RFX8: variants seen among roughly 807,000 people sequenced by gnomAD.
RFX8 encodes the protein DNA-binding protein RFX8.
RFX8 carries 46 observed loss-of-function variants against 54.6 expected under a neutral mutation model. The ratio of observed to expected loss-of-function variants is 0.84; its 90% confidence interval spans 0.67 to 1.08. The LOEUF (loss-of-function observed/expected upper bound fraction) is 1.08, where lower values mean the gene tolerates loss of function less well. RFX8 is among the 50% of genes least tolerant of loss of function. The pLI is 0.00. For missense variants in RFX8, 536 were observed against 562.3 expected (o/e 0.95, Z 0.47); for synonymous variants, 192 against 209.5 (o/e 0.92, Z 0.72).
intron 11 of RFX8, among the ~76,000 whole-genome samples, chr2:101,399,677 A>G (rs1685317586): frequency 6.6e-6 from 1 of 152,202 alleles, no homozygotes; most frequent in South Asian, 2.1e-4. Flanking sequence ...TAGTCTAAGC[A>G]TTTTACAACA....
intron 2 of RFX8, among the ~76,000 whole-genome samples, chr2:101,454,092 C>T (rs1235184162): frequency 3.3e-5 from 5 of 151,452 alleles, no homozygotes; most frequent in Non-Finnish European, 7.4e-5. Context: ...GTTCCCCTCC[C>T]TGTGTTCATG....
At chr2:101,428,065 G>GC (rs1157698065) in intron 2 of RFX8, among the ~76,000 whole-genome samples, 4 of 151,636 alleles carry the variant, frequency 2.6e-5, no homozygotes, top group Non-Finnish European at 4.4e-5. Context: ...AGGCCAAGGG[G>GC]GGCAGATCTC....
At chr2:101,429,506 A>G (rs1050768247) in intron 2 of RFX8, among the ~76,000 whole-genome samples, 5 of 152,220 alleles carry the variant, frequency 3.3e-5, no homozygotes, top group Non-Finnish European at 7.3e-5. Flanking sequence ...AGAAATTTAT[A>G]CATAATGGAG....
chr2:101,400,706 C>T (rs183225257), intron 11 of RFX8, among the ~76,000 whole-genome samples: 1 of 152,338 alleles, frequency 6.6e-6, no homozygotes, highest in African/African-American at 2.4e-5. Context: ...ATGCTACACT[C>T]CGACCTCTTG....
chr2:101,419,791 A>G (rs1403371065), intron 4 of RFX8, among the ~76,000 whole-genome samples: 4 of 152,224 alleles, frequency 2.6e-5, no homozygotes, highest in Non-Finnish European at 5.9e-5. Context: ...TCCCGTTATC[A>G]GGGCATTCAT....
chr2:101,474,276 G>T, intron 1 of RFX8: 1 of 587,946 alleles, frequency 1.7e-6, no homozygotes, highest in South Asian at 1.9e-5. Flanking sequence ...CCTCGGCCAT[G>T]GCTCGGCCCC....
rs1436364900 is a variant in RFX8 at position 101,474,756 on chromosome 2, C to A, written c.-173G>T. The A allele has an allele frequency of 1.3e-5, 2 of 152,392 alleles. No homozygotes were observed. The highest frequency in any genetic ancestry group is 4.8e-5 in the African/African-American group (2 of 41,356). 9.4% of individuals were successfully genotyped at this position (152,392 alleles called of 1,614,324 possible). ...CCCGGCTGCCGCTCCCCATCCCAGC[C>A]CCGCCCCACCCCACCCCAAGAGGTT... On this transcript the variant is annotated 5_prime_UTR_variant, in exon 1 of 12. Transcript: ENST00000428343.
intron 6 of RFX8, among the ~76,000 whole-genome samples, chr2:101,415,807 C>A (rs1041638096): frequency 6.6e-6 from 1 of 152,130 alleles, no homozygotes. Flanking sequence ...TGCTCCCATG[C>A]GATGTGCGAG....
chr2:101,466,974 T>C (rs1267306804), intron 1 of RFX8, 74 bp from the exon 2 acceptor site: 1 of 697,874 alleles, frequency 1.4e-6, no homozygotes, highest in East Asian at 2.7e-5. Flanking sequence ...ACAAAATCAA[T>C]GGTCAAGATG....
intron 1 of RFX8, among the ~76,000 whole-genome samples, chr2:101,472,353 C>T (rs1383171557): frequency 2.6e-5 from 4 of 152,122 alleles, no homozygotes; most frequent in South Asian, 2.1e-4. Context: ...CCACCTGCCT[C>T]GGCCTCCCAA....
At chr2:101,462,570 A>G (rs1689341254) in intron 2 of RFX8, among the ~76,000 whole-genome samples, 1 of 152,212 alleles carries the variant, frequency 6.6e-6, no homozygotes, top group Admixed American at 6.5e-5. Flanking sequence ...AAAAGTTAGT[A>G]TTTCTTGGGT....
At chr2:101,397,856 A>G in intron 11 of RFX8, 132 bp from the exon 12 acceptor site, 1 of 695,858 alleles carries the variant, frequency 1.4e-6, no homozygotes, top group East Asian at 3.0e-5. Flanking sequence ...AAGTTCATGC[A>G]TTTATTCCTT....
At chr2:101,427,844 T>A (rs1687265530) in intron 2 of RFX8, among the ~76,000 whole-genome samples, 1 of 152,236 alleles carries the variant, frequency 6.6e-6, no homozygotes, top group Admixed American at 6.5e-5. Context: ...TGTTTGTTTT[T>A]AGCGGTTCTT....
chr2:101,474,308 G>A (rs549321225), intron 1 of RFX8: 189 of 469,896 alleles, frequency 4.0e-4, no homozygotes, highest in African/African-American at 3.6e-3. Flanking sequence ...ACCGAGGCAG[G>A]CAGCGAGCGG....
intron 1 of RFX8, among the ~76,000 whole-genome samples, chr2:101,469,178 GGA>G (rs149464200): frequency 1.4e-4 from 19 of 134,768 alleles, no homozygotes; most frequent in Admixed American, 1.5e-4. Flanking sequence ...ACATATACAT[GGA>G]GAGAGAGAGA....
At position 101,471,682 on chromosome 2, in the gene RFX8, T is replaced by A. The variant is rs113426242; in HGVS notation, c.-53+2954A>T. On this transcript the variant is annotated intron_variant, in intron 1 of 11. Transcript: ENST00000428343. ...TGCTCCCCAGAGCTTTAACCCCACCTCTCCCCGTTTCTGCAGTCTTTCCTG... is the reference window on the plus strand; with the variant it reads ...TGCTCCCCAGAGCTTTAACCCCACCACTCCCCGTTTCTGCAGTCTTTCCTG... 9.6e-3 allele frequency among the ~76,000 whole-genome samples: 1,461 copies of A among 152,176 alleles called. 27 individuals carry two copies. Among genetic ancestry groups the A allele is most frequent in the African/African-American group, 0.033 (1,390 of 41,526 alleles).
intron 1 of RFX8, among the ~76,000 whole-genome samples, chr2:101,467,481 G>A (rs1277603372): frequency 6.6e-6 from 1 of 152,200 alleles, no homozygotes; most frequent in Admixed American, 6.5e-5. Flanking sequence ...GAATTGCAAT[G>A]AGGTGTAAAA....
At chr2:101,434,810 G>A (rs1274256303) in intron 2 of RFX8, 2 of 152,200 alleles carry the variant, frequency 1.3e-5, no homozygotes, top group East Asian at 1.9e-4. Context: ...GCCAAAAAGC[G>A]GGTTGCAACT....
chr2:101,431,511 G>A (rs921130100), intron 2 of RFX8, among the ~76,000 whole-genome samples: 12 of 152,196 alleles, frequency 7.9e-5, no homozygotes, highest in Non-Finnish European at 1.2e-4. Context: ...TATAAGGATA[G>A]CTTATTAAAC....
Sources: gnomAD v4.1 joint callset for allele counts (sites outside exome capture counted in the v4.1 genomes callset) on GRCh38, gnomAD v4.1.1 for gene constraint, MANE v1.5 for transcripts, NCBI Gene and HGNC (gene_info 2026-07-23, HGNC 2026-07-21) for gene names.